The following POU6F2 variants were observed in gnomAD, a reference collection of about 807,000 sequenced individuals.
POU6F2 encodes the protein POU domain, class 6, transcription factor 2.
Under a neutral mutation model 71.3 loss-of-function variants are expected in POU6F2, and 31 were observed. That is an observed-to-expected ratio of 0.43 (90% CI 0.33 to 0.59). The LOEUF is 0.59. POU6F2 is among the 20% of genes least tolerant of loss of function. The pLI, the probability that POU6F2 is intolerant of heterozygous loss-of-function variation, is 0.04. For missense variants in POU6F2, 783 were observed against 856.8 expected (o/e 0.91, Z 1.07); for synonymous variants, 347 against 355.7 (o/e 0.98, Z 0.27).
chr7:39,149,852 T>C lies in POU6F2; in HGVS notation c.278-54383T>C, dbSNP rs1157762657. Among the ~76,000 whole-genome samples the C allele has an allele frequency of 2.0e-5, 3 of 151,932 alleles. No homozygotes were observed. The East Asian group carries it at 5.8e-4, about 29-fold the overall frequency. ...TTTCGCTTAGCATAATGCCTTTCAGTTTCATCCATTTTGTGGCAAATGGCA... is the reference window on the plus strand; with the variant it reads ...TTTCGCTTAGCATAATGCCTTTCAGCTTCATCCATTTTGTGGCAAATGGCA... On this transcript the variant is annotated intron_variant, in intron 2 of 9. Coordinates refer to ENST00000518318, the MANE Select transcript of POU6F2 (RefSeq NM_001370959.1).
chr7:39,431,570 T>C (rs1788102143), intron 6 of POU6F2, among the ~76,000 whole-genome samples: 1 of 152,094 alleles, frequency 6.6e-6, no homozygotes, highest in Non-Finnish European at 1.5e-5. Context: ...AGACACACAG[T>C]GTGTTTTCTA....
At chr7:39,225,027 A>G (rs985198988) in intron 4 of POU6F2, among the ~76,000 whole-genome samples, 12 of 152,234 alleles carry the variant, frequency 7.9e-5, no homozygotes, top group Admixed American at 7.9e-4. Flanking sequence ...GAAATATTTC[A>G]ATATTGTGTT....
At chr7:38,988,929 T>G (rs893251448) in intron 1 of POU6F2, among the ~76,000 whole-genome samples, 1 of 152,158 alleles carries the variant, frequency 6.6e-6, no homozygotes, top group African/African-American at 2.4e-5. Context: ...ATTTACTCCC[T>G]CCCTGACTTC....
intron 4 of POU6F2, among the ~76,000 whole-genome samples, chr7:39,322,224 C>A (rs928698675): frequency 1.3e-5 from 2 of 152,150 alleles, no homozygotes. Flanking sequence ...AGGAGTGGAG[C>A]GTGACCAGGG....
chr7:39,282,546 T>C (rs1784579942), intron 4 of POU6F2, among the ~76,000 whole-genome samples: 1 of 152,162 alleles, frequency 6.6e-6, no homozygotes, highest in African/African-American at 2.4e-5. Flanking sequence ...AATGTCCTTT[T>C]CCCAATATGT....
chr7:39,444,652 C>T (rs1729122979), intron 7 of POU6F2, among the ~76,000 whole-genome samples: 1 of 152,224 alleles, frequency 6.6e-6, no homozygotes, highest in Admixed American at 6.5e-5. Context: ...AGAAAAGTTA[C>T]TTAATACAAA....
intron 2 of POU6F2, among the ~76,000 whole-genome samples, chr7:39,109,612 A>C (rs1334830354): frequency 2.6e-5 from 4 of 152,082 alleles, no homozygotes; most frequent in Non-Finnish European, 5.9e-5. Flanking sequence ...TTTTTATAGG[A>C]TTGGTAAAAA....
intron 2 of POU6F2, among the ~76,000 whole-genome samples, chr7:39,102,383 T>G (rs1171449130): frequency 6.6e-6 from 1 of 152,158 alleles, no homozygotes; most frequent in African/African-American, 2.4e-5. Context: ...CCATTTCCAC[T>G]GTTTGCCTAG....
chr7:39,240,606 G>C (rs1783708178), intron 4 of POU6F2, among the ~76,000 whole-genome samples: 1 of 152,078 alleles, frequency 6.6e-6, no homozygotes, highest in Non-Finnish European at 1.5e-5. Context: ...AATGCTTATT[G>C]ATTTAAAATA....
chr7:39,177,690 G>A (rs974484333), intron 2 of POU6F2, among the ~76,000 whole-genome samples: 1 of 152,162 alleles, frequency 6.6e-6, no homozygotes, highest in African/African-American at 2.4e-5. Context: ...GACTCAGAGA[G>A]ACTGATGCCA....
At chr7:39,222,485 A>G (rs996834738) in intron 4 of POU6F2, among the ~76,000 whole-genome samples, 1 of 152,110 alleles carries the variant, frequency 6.6e-6, no homozygotes, top group African/African-American at 2.4e-5. Flanking sequence ...TTTCTGTGCA[A>G]TCATCATCAC....
At chr7:39,156,884 C>T (rs1190880204) in intron 2 of POU6F2, among the ~76,000 whole-genome samples, 1 of 152,188 alleles carries the variant, frequency 6.6e-6, no homozygotes, top group African/African-American at 2.4e-5. Flanking sequence ...CAAACCTTCA[C>T]CTAGCATCAA....
At chr7:39,250,135 G>A (rs1487483597) in intron 4 of POU6F2, among the ~76,000 whole-genome samples, 2 of 152,058 alleles carry the variant, frequency 1.3e-5, no homozygotes, top group Non-Finnish European at 2.9e-5. Context: ...CTTCTCTCCT[G>A]CATTTTCACG....
chr7:39,083,840 G>A (rs1584534143), intron 1 of POU6F2: 1 of 152,170 alleles, frequency 6.6e-6, no homozygotes, highest in African/African-American at 2.4e-5. Flanking sequence ...AAACAATGGA[G>A]AAATGTTTGT....
intron 2 of POU6F2, among the ~76,000 whole-genome samples, chr7:39,104,029 G>A (rs1392434938): frequency 6.6e-6 from 1 of 152,228 alleles, no homozygotes; most frequent in Non-Finnish European, 1.5e-5. Flanking sequence ...CCTTCTGAAT[G>A]AGCAAAACTG....
intron 5 of POU6F2, among the ~76,000 whole-genome samples, chr7:39,355,384 T>C (rs1335262769): frequency 1.3e-5 from 2 of 152,184 alleles, no homozygotes; most frequent in Non-Finnish European, 2.9e-5. Context: ...TATAGTTACA[T>C]GTTGAGAGAT....
chr7:39,121,087 A>G (rs1308381809), intron 2 of POU6F2, among the ~76,000 whole-genome samples: 1 of 152,220 alleles, frequency 6.6e-6, no homozygotes, highest in Non-Finnish European at 1.5e-5. Flanking sequence ...TTAGTTCTAT[A>G]TAACAGAGAG....
At chr7:39,220,966 A>G (rs944558564) in intron 4 of POU6F2, among the ~76,000 whole-genome samples, 2 of 152,184 alleles carry the variant, frequency 1.3e-5, no homozygotes, top group African/African-American at 4.8e-5. Flanking sequence ...AAAATATCTC[A>G]TGAATATTTA....
rs1351103581 is a variant in POU6F2, at chr7:39,439,184, G to T, written c.1320+5901G>T. Among the ~76,000 whole-genome samples the T allele has an allele frequency of 5.4e-5, 8 of 148,316 alleles. No homozygotes were observed. The East Asian group carries it at 1.2e-3, about 22-fold the overall frequency. On this transcript the variant is annotated intron_variant, in intron 7 of 9. Coordinates refer to ENST00000518318, the MANE Select transcript of POU6F2 (RefSeq NM_001370959.1). ...TCAGAGACTAGGATTGCAACCCCTG[G>T]TTTTTTTTTTGCTTTCCATTTGCTT...
Sources: gnomAD v4.1 joint callset for allele counts (sites outside exome capture counted in the v4.1 genomes callset) on GRCh38, gnomAD v4.1.1 for gene constraint, MANE v1.5 for transcripts, NCBI Gene and HGNC (gene_info 2026-07-23, HGNC 2026-07-21) for gene names.